AMACR: variants seen among roughly 807,000 people sequenced by gnomAD.
The protein encoded by AMACR is 2-methylacyl-CoA racemase.
Under a neutral mutation model 22.2 loss-of-function variants are expected in AMACR, and 18 were observed. The observed-to-expected ratio is 0.81, with a 90% CI of 0.56 to 1.20. The LOEUF is 1.20. Among genes scored for constraint, AMACR ranks in the 50% most tolerant of loss-of-function variants. AMACR has a pLI of 0.00. For synonymous variants in AMACR, 213 were observed against 191.3 expected (o/e 1.11, Z -0.94); for missense variants, 499 against 490.6 (o/e 1.02, Z -0.16).
intron 3 of AMACR, among the ~76,000 whole-genome samples, chr5:34,002,884 A>G (rs1304687025): frequency 6.6e-6 from 1 of 152,212 alleles, no homozygotes; most frequent in Non-Finnish European, 1.5e-5. Flanking sequence ...CCCTGATGAC[A>G]GTGTCCCACA....
intron 4 of AMACR, chr5:33,994,088 T>G: frequency 2.2e-6 from 1 of 456,044 alleles, no homozygotes; most frequent in Admixed American, 2.4e-5. Context: ...GTTCAGAAAC[T>G]GAAGATACAG....
chr5:33,989,353 C>T lies in AMACR; in HGVS notation c.889G>A (p.Val297Ile), dbSNP rs886060530. 4 of 1,614,182 alleles carry T rather than the reference C, an allele frequency of 2.5e-6. No homozygotes were observed. The highest frequency in any genetic ancestry group is 3.3e-5 in the Admixed American group (2 of 60,020). Residue 297 changes from valine to isoleucine, a missense_variant, in exon 5 of 5, where the codon GTT becomes ATT. Transcript: ENST00000335606. ...TGAACAACCTCCTCAAAAGTCAGAA[C>T]CGGAGTCACACAGGCATCTGTGCCG... The part of the protein sequence containing the change: ...FDGTDACVTP[V>I]LTFEEVVHHD...
chr5:33,994,130 A>G (rs1183359515), intron 4 of AMACR: 5 of 448,618 alleles, frequency 1.1e-5, no homozygotes, highest in Non-Finnish European at 2.2e-5. Flanking sequence ...TCTAAAACAC[A>G]AAGGGGAGTA....
intron 4 of AMACR, chr5:33,993,863 C>T (rs938416916): frequency 2.5e-5 from 8 of 323,560 alleles, no homozygotes; most frequent in African/African-American, 1.7e-4. Flanking sequence ...CATGCCACTG[C>T]ACTCCAGCCT....
chr5:34,001,419 G>C (rs543154348), intron 3 of AMACR, among the ~76,000 whole-genome samples: 1 of 152,348 alleles, frequency 6.6e-6, no homozygotes, highest in African/African-American at 2.4e-5. Flanking sequence ...TTTGAACATG[G>C]TTTGAACAGC....
rs767427040 is a variant in AMACR, at chr5:33,998,640, C to T, written c.739+1G>A. 1 of 1,606,058 alleles carries T rather than the reference C, an allele frequency of 6.2e-7. No individual in the cohort carries two copies. The highest frequency in any genetic ancestry group is 1.1e-5 in the South Asian group (1 of 90,254). On this transcript the variant is annotated splice_donor_variant, in intron 4 of 4. Transcript: ENST00000335606. LOFTEE classifies it high-confidence loss of function. ...GGGGGAGACGCGTGAAGTTCACTTA[C>T]CTTTGATCAGCAGCTCGTAGAACTG... is the stretch of plus-strand genomic sequence containing the variant.
At chr5:33,989,558 C>A (rs1354170984) in intron 4 of AMACR, 56 bp from the exon 5 acceptor site, 29 of 1,430,158 alleles carry the variant, frequency 2.0e-5, no homozygotes, top group Non-Finnish European at 2.8e-5. Flanking sequence ...CAATTATAAT[C>A]AATAAAAATG....
intron 1 of AMACR, among the ~76,000 whole-genome samples, chr5:34,006,377 C>A (rs1294222246): frequency 6.6e-6 from 1 of 152,212 alleles, no homozygotes; most frequent in Non-Finnish European, 1.5e-5. Context: ...TAGCACCCAT[C>A]TGTAGAAAGA....
Position 33,988,138 on chromosome 5 carries a change from C to A in AMACR, c.*955G>T. The A allele has an allele frequency of 5.1e-6, 3 of 582,614 alleles. No individual in the cohort carries two copies. The highest frequency in any genetic ancestry group is 9.0e-6 in the Non-Finnish European group (3 of 334,272). 36.1% of individuals were successfully genotyped at this position (582,614 alleles called of 1,614,324 possible). On this transcript the variant is annotated 3_prime_UTR_variant, in exon 5 of 5. Coordinates refer to ENST00000335606, the MANE Select transcript of AMACR (RefSeq NM_014324.6). Reference sequence around the variant, plus strand: ...CACCCGGATTAGATTGTGGAATCTACCCCTTCCTCACATGCCTTTAGGAAG... The same window carrying A: ...CACCCGGATTAGATTGTGGAATCTAACCCTTCCTCACATGCCTTTAGGAAG...
chr5:33,992,446 G>A (rs753201994), intron 4 of AMACR, among the ~76,000 whole-genome samples: 29 of 151,638 alleles, frequency 1.9e-4, no homozygotes, highest in Non-Finnish European at 4.0e-4. Flanking sequence ...AGTGGCTCAC[G>A]CCTGTAATCC....
intron 3 of AMACR, among the ~76,000 whole-genome samples, chr5:34,001,157 C>T (rs1753802940): frequency 6.6e-6 from 1 of 152,220 alleles, no homozygotes; most frequent in South Asian, 2.1e-4. Context: ...CCCCCTGACA[C>T]AGGGAAACCG....
intron 1 of AMACR, among the ~76,000 whole-genome samples, chr5:34,006,314 G>C (rs974627848): frequency 6.6e-6 from 1 of 152,138 alleles, no homozygotes; most frequent in African/African-American, 2.4e-5. Context: ...ATTTACACCT[G>C]ATGTTTCCAC....
chr5:33,988,496 C>T lies in AMACR; in HGVS notation c.*597G>A. On this transcript the variant is annotated 3_prime_UTR_variant, in exon 5 of 5. Coordinates refer to ENST00000335606, the MANE Select transcript of AMACR (RefSeq NM_014324.6). ...CTGGACTCTACGTAGTGAGCCAACA[C>T]ATTTCCTCATTATTTTGGATATGTT... 11 of 1,423,714 alleles carry T rather than the reference C, an allele frequency of 7.7e-6. No homozygotes were observed. Among genetic ancestry groups the T allele is most frequent in the Non-Finnish European group, 1.0e-5 (11 of 1,092,082 alleles). 88.2% of individuals were successfully genotyped at this position (1,423,714 alleles called of 1,614,324 possible). A position where few individuals can be genotyped will look rare whatever the true frequency, so the allele number is the denominator to read the frequency against.
At chr5:33,994,774 G>A (rs1561039805) in intron 4 of AMACR, among the ~76,000 whole-genome samples, 1 of 152,090 alleles carries the variant, frequency 6.6e-6, no homozygotes. Flanking sequence ...AAAATCAGGG[G>A]AGTTACAAAG....
In AMACR at chr5:33,988,680, A is replaced by C; in HGVS notation, c.*413T>G. The stretch of plus-strand genomic sequence containing the variant: ...GCAACCAATCACTCTGTTTCACGTG[A>C]CTTTTATCACCATACAATTTGTGGC... On this transcript the variant is annotated 3_prime_UTR_variant, in exon 5 of 5. Transcript: ENST00000335606. 2 of 1,219,312 alleles carry C rather than the reference A, an allele frequency of 1.6e-6. No homozygotes were observed. The highest frequency in any genetic ancestry group is 1.0e-6 in the Non-Finnish European group (1 of 975,980). 75.5% of individuals were successfully genotyped at this position (1,219,312 alleles called of 1,614,324 possible). A position where few individuals can be genotyped will look rare whatever the true frequency, so the allele number is the denominator to read the frequency against.
intron 3 of AMACR, among the ~76,000 whole-genome samples, chr5:34,001,772 A>G (rs944780325): frequency 6.6e-6 from 1 of 152,158 alleles, no homozygotes; most frequent in Non-Finnish European, 1.5e-5. Context: ...CTGCTGCTAA[A>G]CACTGTGAAA....
At chr5:34,005,271 A>C (rs567864968) in intron 2 of AMACR, among the ~76,000 whole-genome samples, 1 of 151,264 alleles carries the variant, frequency 6.6e-6, no homozygotes, top group Non-Finnish European at 1.5e-5. Context: ...ACAGGCAAAA[A>C]CTCTAATAAA....
chr5:34,002,141 C>A (rs545479099), intron 3 of AMACR, among the ~76,000 whole-genome samples: 1 of 152,140 alleles, frequency 6.6e-6, no homozygotes, highest in East Asian at 1.9e-4. Flanking sequence ...GGACTGCAGA[C>A]GCGTACCACC....
Position 33,988,856 on chromosome 5 carries a change from C to A in AMACR, c.*237G>T. 5 of 1,358,986 alleles carry A rather than the reference C, an allele frequency of 3.7e-6. No homozygotes were observed. The highest frequency in any genetic ancestry group is 3.8e-6 in the Non-Finnish European group (4 of 1,058,462). 84.2% of individuals were successfully genotyped at this position (1,358,986 alleles called of 1,614,324 possible). On this transcript the variant is annotated 3_prime_UTR_variant, in exon 5 of 5. Coordinates refer to ENST00000335606, the MANE Select transcript of AMACR (RefSeq NM_014324.6). The stretch of plus-strand genomic sequence containing the variant: ...CAAATATATCAAGCAAACTGGAAGG[C>A]AGAATAACTACCATAATTTAGTATA...
Sources: allele counts gnomAD v4.1 joint callset (sites outside exome capture counted in the v4.1 genomes callset), GRCh38; gene constraint gnomAD v4.1.1; transcripts MANE v1.5; gene names NCBI Gene and HGNC (gene_info 2026-07-23, HGNC 2026-07-21).